Variants in NTF3 observed in about 807,000 individuals in gnomAD.
NTF3 encodes the protein neurotrophin 3.
A neutral mutation model predicts 26.3 loss-of-function variants in NTF3; 8 were observed. That is an observed-to-expected ratio of 0.30 (90% CI 0.18 to 0.55). NTF3 has a LOEUF of 0.55. Among genes scored for constraint, NTF3 ranks in the 20% least tolerant of loss-of-function variants. NTF3 has a pLI of 0.93. For synonymous variants in NTF3, 154 were observed against 145.5 expected, an observed-to-expected ratio of 1.06 and a Z score of -0.42; for missense variants, 276 against 352.9, an observed-to-expected ratio of 0.78 and a Z score of 1.75.
chr12:5,444,136 GTC>G (rs1459387348), intron 1 of NTF3, among the ~76,000 whole-genome samples: 1 of 152,202 alleles, frequency 6.6e-6, no homozygotes, highest in Non-Finnish European at 1.5e-5. Flanking sequence ...TCTACAGCAA[GTC>G]TCCTTAATTC....
At chr12:5,432,915 C>G (rs1329340242) in intron 1 of NTF3, among the ~76,000 whole-genome samples, 3 of 152,132 alleles carry the variant, frequency 2.0e-5, no homozygotes, top group African/African-American at 7.2e-5. Context: ...TGCACTCTGC[C>G]GGCCGCTGAG....
In NTF3 at chr12:5,456,322, G is replaced by T. The variant is rs1456488885; in HGVS notation, c.18+23980G>T. ...ATCACATAGAATCGCATTGATTGAT[G>T]AGTGAAAAATAAATGGATGGTAGCC... On this transcript the variant is annotated intron_variant, in intron 1 of 1. Coordinates refer to ENST00000423158, the MANE Select transcript of NTF3 (RefSeq NM_001102654.2). This position sits in a 1 kb window ranked among gnomAD's most constrained non-coding sequence, Gnocchi z 4.4. 6.6e-6 allele frequency among the ~76,000 whole-genome samples: 1 copy of T among 152,162 alleles called. No individual in the cohort carries two copies. The highest frequency in any genetic ancestry group is 1.5e-5 in the Non-Finnish European group (1 of 68,034).
In NTF3 at chr12:5,494,705, C is replaced by T. The variant is rs1425767174; in HGVS notation, c.530C>T (p.Ser177Leu). 2.5e-6 allele frequency: 4 copies of T among 1,614,134 alleles called. No homozygotes were observed. The highest frequency in any genetic ancestry group is 8.5e-7 in the Non-Finnish European group (1 of 1,180,032). The change falls in exon 2 of 2, where the codon TCG becomes TTG. Residue 177 changes from serine to leucine, a missense_variant. Ser to Leu is a moderately radical substitution (Grantham distance 145, BLOSUM62 -2). Coordinates refer to ENST00000423158, the MANE Select transcript of NTF3 (RefSeq NM_001102654.2). This position sits in a 1 kb window ranked among gnomAD's most constrained non-coding sequence, Gnocchi z 8.3. ...AGTCTGTGGGTGACCGACAAGTCATCGGCCATCGACATTCGGGGACACCAG... is the reference window on the plus strand; with the variant it reads ...AGTCTGTGGGTGACCGACAAGTCATTGGCCATCGACATTCGGGGACACCAG... ...SESLWVTDKS[S>L]AIDIRGHQVT...
chr12:5,465,822 G>A (rs894038229), intron 1 of NTF3, among the ~76,000 whole-genome samples: 3 of 152,228 alleles, frequency 2.0e-5, no homozygotes, highest in African/African-American at 7.2e-5. Flanking sequence ...AGCAGTAGCA[G>A]CTCCACCAAG....
intron 1 of NTF3, among the ~76,000 whole-genome samples, chr12:5,491,097 A>G (rs376952991): frequency 6.6e-6 from 1 of 152,340 alleles, no homozygotes; most frequent in Non-Finnish European, 1.5e-5. Context: ...CCTACGAACC[A>G]AATGCCCCCG....
intron 1 of NTF3, among the ~76,000 whole-genome samples, chr12:5,461,378 C>T (rs1940522003): frequency 6.6e-6 from 1 of 152,164 alleles, no homozygotes; most frequent in Admixed American, 6.5e-5. Context: ...AGACAGCAGA[C>T]TTAAAGTGAA....
chr12:5,448,342 T>A (rs970167312), intron 1 of NTF3, among the ~76,000 whole-genome samples: 7 of 152,192 alleles, frequency 4.6e-5, no homozygotes, highest in African/African-American at 1.7e-4. Context: ...ATTGGTGGAA[T>A]TTGCTGTTCC....
intron 1 of NTF3, among the ~76,000 whole-genome samples, chr12:5,486,993 A>T (rs1040990473): frequency 5.3e-5 from 8 of 151,886 alleles, no homozygotes; most frequent in African/African-American, 1.9e-4. Flanking sequence ...AACAAATACC[A>T]CTAAATGCAG....
chr12:5,495,116 A>G lies in NTF3; in HGVS notation c.*128A>G. The G allele has an allele frequency of 2.0e-6, 2 of 1,007,986 alleles. No individual in the cohort carries two copies. Among genetic ancestry groups the G allele is most frequent in the Non-Finnish European group, 2.9e-6 (2 of 691,250 alleles). 62.4% of individuals were successfully genotyped at this position (1,007,986 alleles called of 1,614,324 possible). ...ATTTATTAAACTTCAGCAACCCTAC[A>G]GTATATAAGCTTTTTTCTCAATAAA... On this transcript the variant is annotated 3_prime_UTR_variant, in exon 2 of 2. Coordinates refer to ENST00000423158, the MANE Select transcript of NTF3 (RefSeq NM_001102654.2).
rs771891372 is a variant in NTF3 at position 5,494,564 on chromosome 12, T to C, written c.389T>C (p.Leu130Ser). ...SDSTPLEPPP[L>S]YLMEDYVGSP... Reference sequence around the variant, plus strand: ...AGCACCCCCTTGGAGCCCCCGCCCTTGTATCTCATGGAGGATTACGTGGGC... The same window carrying C: ...AGCACCCCCTTGGAGCCCCCGCCCTCGTATCTCATGGAGGATTACGTGGGC... The change falls in exon 2 of 2, where the codon TTG becomes TCG. Residue 130 changes from leucine to serine, a missense_variant. Transcript: ENST00000423158. The surrounding 1 kb of genome is among the most constrained non-coding windows in gnomAD (Gnocchi z 8.3). 78 of 1,613,960 alleles carry C rather than the reference T, an allele frequency of 4.8e-5. No individual in the cohort carries two copies. The highest frequency in any genetic ancestry group is 6.4e-5 in the Non-Finnish European group (75 of 1,180,028).
chr12:5,473,028 TC>T (rs1281276241), intron 1 of NTF3, among the ~76,000 whole-genome samples: 3 of 152,186 alleles, frequency 2.0e-5, no homozygotes, highest in African/African-American at 7.2e-5. Context: ...GCAGCAGAGT[TC>T]CCGTCTTGTT....
At chr12:5,493,235 G>A (rs146837369) in intron 1 of NTF3, among the ~76,000 whole-genome samples, 230 of 152,324 alleles carry the variant, frequency 1.5e-3, no homozygotes, top group Non-Finnish European at 2.9e-3. Context: ...ACCGGAGTCC[G>A]GTGTTAAGCT....
intron 1 of NTF3, among the ~76,000 whole-genome samples, chr12:5,448,070 A>G (rs527982692): frequency 6.6e-6 from 1 of 152,266 alleles, no homozygotes; most frequent in African/African-American, 2.4e-5. Flanking sequence ...GCTGCTCTTG[A>G]TGAACTCTCT....
intron 1 of NTF3, among the ~76,000 whole-genome samples, chr12:5,439,869 T>C (rs1199511414): frequency 2.6e-5 from 4 of 152,186 alleles, no homozygotes; most frequent in African/African-American, 4.8e-5. Flanking sequence ...CTCACACCAT[T>C]TAGACTGGGG....
intron 1 of NTF3, among the ~76,000 whole-genome samples, chr12:5,459,576 G>A (rs778951608): frequency 3.9e-5 from 6 of 152,140 alleles, no homozygotes; most frequent in Non-Finnish European, 5.9e-5. Flanking sequence ...TGCATATTGC[G>A]TCATTGCCTG....
intron 1 of NTF3, among the ~76,000 whole-genome samples, chr12:5,459,893 C>T (rs772210942): frequency 6.6e-6 from 1 of 152,162 alleles, no homozygotes; most frequent in Non-Finnish European, 1.5e-5. Flanking sequence ...TCCAGATGCT[C>T]GTCCTCATTT....
At chr12:5,451,684 T>C (rs528451642) in intron 1 of NTF3, among the ~76,000 whole-genome samples, 1 of 152,300 alleles carries the variant, frequency 6.6e-6, no homozygotes, top group African/African-American at 2.4e-5. Context: ...TTTATTTTTG[T>C]TTTTTTACTT....
intron 1 of NTF3, among the ~76,000 whole-genome samples, chr12:5,455,339 T>C (rs1489869337): frequency 6.6e-6 from 1 of 152,198 alleles, no homozygotes; most frequent in Non-Finnish European, 1.5e-5. Flanking sequence ...GGGAGGCTTA[T>C]GCCAAGCTTC....
intron 1 of NTF3, among the ~76,000 whole-genome samples, chr12:5,481,563 AC>A (rs1215070519): frequency 5.1e-5 from 1 of 19,742 alleles, no homozygotes; most frequent in African/African-American, 1.8e-4. Context: ...GCACACACAC[AC>A]ATACATACAT....
Sources: gnomAD v4.1 joint callset for allele counts (sites outside exome capture counted in the v4.1 genomes callset) on GRCh38, gnomAD v4.1.1 for gene constraint, Gnocchi (gnomAD v3.1) non-coding constraint, MANE v1.5 for transcripts, NCBI Gene and HGNC (gene_info 2026-07-23, HGNC 2026-07-21) for gene names.